Variants in AIRE observed in about 807,000 individuals in gnomAD.
AIRE encodes the protein autoimmune regulator.
Under a neutral mutation model 62.1 loss-of-function variants are expected in AIRE, and 52 were observed. The ratio of observed to expected loss-of-function variants is 0.84; its 90% CI spans 0.67 to 1.06. AIRE has a LOEUF of 1.06. Ranked by LOEUF, AIRE falls within the 50% of genes least tolerant of loss-of-function variation. The probability of loss-of-function intolerance (pLI) is 0.00; values close to 1 mark genes in which losing one functional copy is unlikely to be tolerated. For missense variants in AIRE, 774 were observed against 755.8 expected, an observed-to-expected ratio of 1.02 and a Z score of -0.28; for synonymous variants, 342 against 321.6, an observed-to-expected ratio of 1.06 and a Z score of -0.68.
At position 44,286,238 on chromosome 21, in the gene AIRE, C is replaced by A; in HGVS notation, c.132+100C>A. ...GACCCCGCCCCTCCAGATCCCCAAG[C>A]CCCTCCAGCCTTCCCCAACTCCCTC... is the stretch of plus-strand genomic sequence containing the variant. On this transcript the variant is annotated intron_variant, in intron 1 of 13. Coordinates refer to ENST00000291582, the MANE Select transcript of AIRE (RefSeq NM_000383.4). The surrounding 1 kb of genome is among the most constrained non-coding windows in gnomAD (Gnocchi z 6.0). 1 of 1,301,102 alleles carries A rather than the reference C, an allele frequency of 7.7e-7. No individual in the cohort carries two copies. Among genetic ancestry groups the A allele is most frequent in the South Asian group, 1.3e-5 (1 of 77,194 alleles). 80.6% of individuals were successfully genotyped at this position (1,301,102 alleles called of 1,614,324 possible). A position where few individuals can be genotyped will look rare whatever the true frequency, so the allele number is the denominator to read the frequency against.
At chr21:44,288,293 C>CT in intron 4 of AIRE, 52 bp from the exon 5 acceptor site, 3 of 1,390,338 alleles carry the variant, frequency 2.2e-6, no homozygotes, top group Non-Finnish European at 3.1e-6. Context: ...AGAGTATGTG[C>CT]TTGGGAACAG....
rs566707997 is a variant in AIRE at position 44,297,216 on chromosome 21, G to A, written c.1567-440G>A. On this transcript the variant is annotated intron_variant, in intron 13 of 13. Coordinates refer to ENST00000291582, the MANE Select transcript of AIRE (RefSeq NM_000383.4). The surrounding 1 kb of genome is among the most constrained non-coding windows in gnomAD (Gnocchi z 4.8). The stretch of plus-strand genomic sequence containing the variant: ...GAGCGACGGGCTCACAGCCTCTCCC[G>A]GGTGGCGGTCTTATTCTGCTGGCAT... Among the ~76,000 whole-genome samples, 137 of 152,340 alleles carry A rather than the reference G, an allele frequency of 9.0e-4. 1 individual carries two copies. Among genetic ancestry groups the A allele is most frequent in the Non-Finnish European group, 1.5e-3 (102 of 68,022 alleles).
In AIRE at chr21:44,286,279, G is replaced by A. The variant is rs576198449; in HGVS notation, c.132+141G>A. On this transcript the variant is annotated intron_variant, in intron 1 of 13. Transcript: ENST00000291582. The surrounding 1 kb of genome is among the most constrained non-coding windows in gnomAD (Gnocchi z 6.0). ...CAACTCCCTCCCCACAAGGAGCCAG[G>A]GGCGTCCCTGATGACAAGTTAGAAG... The A allele has an allele frequency of 6.9e-6, 7 of 1,018,926 alleles. No homozygotes were observed. The highest frequency in any genetic ancestry group is 3.2e-5 in the African/African-American group (2 of 61,838). The allele number at this position is 1,018,926 out of a possible 1,614,324, so 63.1% of individuals were successfully genotyped here.
Position 44,293,888 on chromosome 21 carries a change from C to T in AIRE, c.1378C>T (p.Pro460Ser), listed in dbSNP as rs55840791. The T allele has an allele frequency of 6.9e-6, 11 of 1,596,786 alleles. No individual in the cohort carries two copies. The East Asian group carries it at 2.5e-4, about 36-fold the overall frequency. Residue 460 changes from proline to serine, a missense_variant, in exon 11 of 14, where the codon CCA (proline) becomes TCA (serine). Physicochemically the swap from Pro to Ser is moderately conservative, Grantham distance 74. Transcript: ENST00000291582. The part of the protein sequence containing the change: ...AAAFHWRCHF[P>S]AGTSRPGTGL... ...TGCCTTCCACTGGCGCTGCCACTTC[C>T]CAGCCGGCACCTCCCGGCCCGGGTG...
chr21:44,287,228 T>C lies in AIRE; in HGVS notation c.463+95T>C. 1 of 1,480,244 alleles carries C rather than the reference T, an allele frequency of 6.8e-7. No individual in the cohort carries two copies. 91.7% of individuals were successfully genotyped at this position (1,480,244 alleles called of 1,614,324 possible). On this transcript the variant is annotated intron_variant, in intron 3 of 13. Transcript: ENST00000291582. This position sits in a 1 kb window ranked among gnomAD's most constrained non-coding sequence, Gnocchi z 4.3. Reference sequence around the variant, plus strand: ...CCTCCCCACCCGGGCTCCCACCCACTGGGTGTGGGGCCAGCCTGCCTGGGG... The same window carrying C: ...CCTCCCCACCCGGGCTCCCACCCACCGGGTGTGGGGCCAGCCTGCCTGGGG...
chr21:44,298,604 A>G lies in AIRE; in HGVS notation c.*877A>G. 1 of 152,188 alleles carries G rather than the reference A, an allele frequency of 6.6e-6. No individual in the cohort carries two copies. The highest frequency in any genetic ancestry group is 6.5e-5 in the Admixed American group (1 of 15,268). The allele number at this position is 152,188 out of a possible 1,614,324, so 9.4% of individuals were successfully genotyped here. On this transcript the variant is annotated 3_prime_UTR_variant, in exon 14 of 14. Transcript: ENST00000291582. ...TGCTGCTATGAATATGTGTGTGCAA[A>G]TATCTGTGTGAGTCTTTGAGTAAAA...
In AIRE at chr21:44,293,627, C is replaced by T. The variant is rs555783232; in HGVS notation, c.1279-162C>T. On this transcript the variant is annotated intron_variant, in intron 10 of 13. Transcript: ENST00000291582. ...TGCCTCCTGGGGATGGGACTGGTCC[C>T]GCTGTCCTGCAGCCTGCGTGGCACC... Among the ~76,000 whole-genome samples the T allele has an allele frequency of 4.7e-4, 71 of 152,212 alleles. 1 individual carries two copies. The highest frequency in any genetic ancestry group is 1.3e-3 in the African/African-American group (54 of 41,532).
chr21:44,291,940 C>G (rs933039821), intron 8 of AIRE, among the ~76,000 whole-genome samples: 1 of 152,212 alleles, frequency 6.6e-6, no homozygotes, highest in Non-Finnish European at 1.5e-5. Flanking sequence ...CCTTGATCAC[C>G]TCCCCATTCT....
intron 8 of AIRE, 82 bp downstream of exon 8, chr21:44,291,292 C>T (rs2040537850): frequency 6.5e-7 from 1 of 1,547,988 alleles, no homozygotes; most frequent in African/African-American, 1.4e-5. Context: ...GGGAAGCCAC[C>T]CCAAGCCTCT....
chr21:44,296,050 A>G (rs1345332695), intron 12 of AIRE, among the ~76,000 whole-genome samples: 2 of 152,088 alleles, frequency 1.3e-5, no homozygotes, highest in Non-Finnish European at 2.9e-5. Flanking sequence ...GGTGGCATGG[A>G]CCAGGCACTT....
intron 5 of AIRE, 60 bp from the exon 6 acceptor site, chr21:44,289,596 CG>C: frequency 1.0e-5 from 16 of 1,606,998 alleles, no homozygotes; most frequent in Non-Finnish European, 1.4e-5. Flanking sequence ...GGGGCCTACA[CG>C]ACTGCCAAGG....
rs551934701 is a variant in AIRE, at chr21:44,289,515, G to C, written c.653-142G>C. ...AGGACAATCCCCGGGCCCCAGACTC[G>C]ACTGGGGTGGGGGCGGGCTGGAGGA... On this transcript the variant is annotated intron_variant, in intron 5 of 13. Coordinates refer to ENST00000291582, the MANE Select transcript of AIRE (RefSeq NM_000383.4). 1.3e-5 allele frequency: 16 copies of C among 1,208,704 alleles called. No individual in the cohort carries two copies. In the South Asian group the frequency reaches 1.5e-4, roughly 11 times the overall value. The allele number at this position is 1,208,704 out of a possible 1,614,324, so 74.9% of individuals were successfully genotyped here.
Position 44,287,019 on chromosome 21 carries a change from G to A in AIRE, c.349G>A (p.Ala117Thr). The change falls in exon 3 of 14, where the codon GCC becomes ACC. Residue 117 changes from alanine to threonine, a missense_variant. Ala to Thr is a moderately conservative substitution (Grantham distance 58). This residue lies in a region of AIRE where 385 missense variants were observed against 396.0 expected (regional missense o/e 0.97). Coordinates refer to ENST00000291582, the MANE Select transcript of AIRE (RefSeq NM_000383.4). This position sits in a 1 kb window ranked among gnomAD's most constrained non-coding sequence, Gnocchi z 4.3. Reference protein sequence around the residue: ...SQPRKGRKPPAVPKALVPPPR... With the variant: ...SQPRKGRKPPTVPKALVPPPR... ...GCCCCGGAAGGGGAGGAAGCCCCCG[G>A]CCGTCCCCAAGGCTTTGGTACCGCC... The A allele has an allele frequency of 6.2e-7, 1 of 1,612,754 alleles. No homozygotes were observed. Among genetic ancestry groups the A allele is most frequent in the African/African-American group, 1.3e-5 (1 of 75,036 alleles).
chr21:44,297,633 C>T lies in AIRE; in HGVS notation c.1567-23C>T. 6.2e-7 allele frequency: 1 copy of T among 1,600,738 alleles called. No individual in the cohort carries two copies. Among genetic ancestry groups the T allele is most frequent in the Non-Finnish European group, 8.5e-7 (1 of 1,170,584 alleles). On this transcript the variant is annotated intron_variant, in intron 13 of 13. Coordinates refer to ENST00000291582, the MANE Select transcript of AIRE (RefSeq NM_000383.4). The surrounding 1 kb of genome is among the most constrained non-coding windows in gnomAD (Gnocchi z 4.8). The stretch of plus-strand genomic sequence containing the variant: ...TGCGGCGGGGGCGCACCTGGAGGTT[C>T]TCACCGTCACTCTGTCCCGCAGCAC...
In AIRE at chr21:44,286,922, C is replaced by G. The variant is rs2040487773; in HGVS notation, c.308-56C>G. The G allele has an allele frequency of 6.2e-7, 1 of 1,611,152 alleles. No individual in the cohort carries two copies. Among genetic ancestry groups the G allele is most frequent in the Non-Finnish European group, 8.5e-7 (1 of 1,178,828 alleles). ...CAAGGTGTCCAGTTCTGGGGCCCAC[C>G]CTACCCCTGGAGAAAACCCTGAGGT... On this transcript the variant is annotated intron_variant, in intron 2 of 13. Transcript: ENST00000291582. The surrounding 1 kb of genome is among the most constrained non-coding windows in gnomAD (Gnocchi z 6.0).
chr21:44,285,912 C>G lies in AIRE; in HGVS notation c.-95C>G, dbSNP rs1413902600. 2 of 1,305,236 alleles carry G rather than the reference C, an allele frequency of 1.5e-6. No homozygotes were observed. Among genetic ancestry groups the G allele is most frequent in the Non-Finnish European group, 2.0e-6 (2 of 985,912 alleles). The allele number at this position is 1,305,236 out of a possible 1,614,324, so 80.9% of individuals were successfully genotyped here. A position where few individuals can be genotyped will look rare whatever the true frequency, so the allele number is the denominator to read the frequency against. On this transcript the variant is annotated 5_prime_UTR_variant, in exon 1 of 14. Coordinates refer to ENST00000291582, the MANE Select transcript of AIRE (RefSeq NM_000383.4). ...CGGGCGCACAGCCGGCGCGGAGGCC[C>G]CACAGCCCCGCCGGGACCCGAGGCC... is the stretch of plus-strand genomic sequence containing the variant.
rs1208287091 is a variant in AIRE at position 44,293,168 on chromosome 21, G to A, written c.1271G>A (p.Gly424Asp). 9 of 1,561,660 alleles carry A rather than the reference G, an allele frequency of 5.8e-6. No individual in the cohort carries two copies. The highest frequency in any genetic ancestry group is 7.8e-6 in the Non-Finnish European group (9 of 1,152,232). ...LHPLLCVGPE[G>D]QQNLAPGARC... ...CCCCTACTGTGTGTGGGTCCTGAGG[G>A]TCAGCAGGTGAGCGGGGAGTGGGGG... Residue 424 changes from glycine to aspartate, a missense_variant, in exon 10 of 14, where the codon GGT becomes GAT. By Grantham distance (94) the Gly-to-Asp change is moderately conservative. Coordinates refer to ENST00000291582, the MANE Select transcript of AIRE (RefSeq NM_000383.4).
Position 44,290,610 on chromosome 21 carries a change from C to A in AIRE, c.880-485C>A. On this transcript the variant is annotated intron_variant, in intron 7 of 13. Coordinates refer to ENST00000291582, the MANE Select transcript of AIRE (RefSeq NM_000383.4). ...ATTGTTAGAATGAGTGAGGTCATTG[C>A]CGTGCAGGACCAGCCTAGCCTGGCT... 8 of 951,944 alleles carry A rather than the reference C, an allele frequency of 8.4e-6. No individual in the cohort carries two copies. The East Asian group carries it at 1.8e-4, about 22-fold the overall frequency. 59.0% of individuals were successfully genotyped at this position (951,944 alleles called of 1,614,324 possible).
chr21:44,289,448 G>A (rs2040513310), intron 5 of AIRE: 13 of 618,626 alleles, frequency 2.1e-5, no homozygotes, highest in Non-Finnish European at 3.4e-5. Context: ...CTGGGTGGAC[G>A]TGAACTTCGG....
Sources: gnomAD v4.1 joint callset for allele counts (sites outside exome capture counted in the v4.1 genomes callset) on GRCh38, gnomAD v4.1.1 for gene constraint, gnomAD v4.1.1 regional missense constraint, Gnocchi (gnomAD v3.1) non-coding constraint, MANE v1.5 for transcripts, NCBI Gene and HGNC (gene_info 2026-07-23, HGNC 2026-07-21) for gene names.